RNLS: variants seen among roughly 807,000 people sequenced by gnomAD.
RNLS encodes renalase.
Under a neutral mutation model 39.8 loss-of-function variants are expected in RNLS, and 39 were observed. The ratio of observed to expected loss-of-function variants is 0.98; its 90% CI spans 0.76 to 1.28. The LOEUF (loss-of-function observed/expected upper bound fraction) is 1.28, where lower values mean the gene tolerates loss of function less well. Among genes scored for constraint, RNLS ranks in the 50% most tolerant of loss-of-function variants. The pLI, the probability that RNLS is intolerant of heterozygous loss-of-function variation, is 0.00. For missense variants in RNLS, 410 were observed against 413.3 expected, an observed-to-expected ratio of 0.99 and a Z score of 0.07; for synonymous variants, 147 against 150.7, an observed-to-expected ratio of 0.98 and a Z score of 0.18.
chr10:88,554,241 T>G (rs139546464), intron 4 of RNLS, among the ~76,000 whole-genome samples: 5 of 152,046 alleles, frequency 3.3e-5, no homozygotes, highest in African/African-American at 4.8e-5. Flanking sequence ...ATTTTAACAT[T>G]TGTTGTATAA....
At chr10:88,458,806 A>G (rs1284825595) in intron 4 of RNLS, among the ~76,000 whole-genome samples, 1 of 152,210 alleles carries the variant, frequency 6.6e-6, no homozygotes, top group Non-Finnish European at 1.5e-5. Context: ...ATGTTCCTCA[A>G]TTCTAGTTTT....
At chr10:88,212,224 C>T in the RNLS span, among the ~76,000 whole-genome samples, 4 of 152,128 alleles carry the variant, frequency 2.6e-5, no homozygotes, top group Non-Finnish European at 4.4e-5. Flanking sequence ...TTCTTGTTTC[C>T]ATAGCATCTT....
In RNLS at chr10:88,504,827, TAGAG is replaced by T. The variant is rs542424482; in HGVS notation, c.526+68072_526+68075del. On this transcript the variant is annotated intron_variant, in intron 4 of 6. Coordinates refer to ENST00000331772, the MANE Select transcript of RNLS (RefSeq NM_001031709.3). ...CTATTTTGTATGTATTGGAGCAAAT[TAGAG>T]AGAGAGAGACAGAGTGTGTGTGTGT... 4.5e-3 allele frequency among the ~76,000 whole-genome samples: 621 copies of T among 138,558 alleles called. 3 individuals are homozygous for T. Among genetic ancestry groups the T allele is most frequent in the African/African-American group, 0.015 (563 of 36,646 alleles). 90.9% of individuals were successfully genotyped at this position (138,558 alleles called of 152,430 possible). A position where few individuals can be genotyped will look rare whatever the true frequency, so the allele number is the denominator to read the frequency against.
chr10:88,279,167 A>C (rs1421229194), downstream of RNLS, among the ~76,000 whole-genome samples: 1 of 152,192 alleles, frequency 6.6e-6, no homozygotes, highest in Non-Finnish European at 1.5e-5. Flanking sequence ...GTCAGTAAGA[A>C]TTTTTGAAGA....
the RNLS span, among the ~76,000 whole-genome samples, chr10:88,231,639 T>G: frequency 1.3e-5 from 2 of 152,134 alleles, no homozygotes; most frequent in Non-Finnish European, 2.9e-5. Flanking sequence ...AAGGTGACCT[T>G]TGGGGACAGA....
chr10:88,219,082 A>T, the RNLS span, among the ~76,000 whole-genome samples: 1 of 152,206 alleles, frequency 6.6e-6, no homozygotes, highest in Non-Finnish European at 1.5e-5. Flanking sequence ...ACATATTTGT[A>T]TACACTTATG....
rs530766470 is a variant in RNLS at position 88,275,570 on chromosome 10, G to A, written c.877-538C>T. ...TATTCATAAAATGGAAGAGTGTACA[G>A]TAGTAAAAATCAACGAAATATATCT... On this transcript the variant is annotated intron_variant, in intron 6 of 6. Transcript: ENST00000371947. Among the ~76,000 whole-genome samples the A allele has an allele frequency of 1.4e-4, 21 of 152,238 alleles. No homozygotes were observed. In the South Asian group the frequency reaches 3.9e-3, roughly 29 times the overall value.
chr10:88,264,842 G>A, the RNLS span, among the ~76,000 whole-genome samples: 114,295 of 152,140 alleles, frequency 0.75, 42,924 homozygotes, highest in East Asian at 0.79. Flanking sequence ...CAGTTTAATT[G>A]AGTTCCATCT....
chr10:88,487,002 T>A (rs1844564845), intron 4 of RNLS, among the ~76,000 whole-genome samples: 1 of 152,120 alleles, frequency 6.6e-6, no homozygotes, highest in Non-Finnish European at 1.5e-5. Flanking sequence ...GTGGTACATA[T>A]ACACAATGGA....
chr10:88,215,231 G>A, the RNLS span, among the ~76,000 whole-genome samples: 1 of 151,738 alleles, frequency 6.6e-6, no homozygotes, highest in Admixed American at 6.6e-5. Flanking sequence ...CTATTATTGA[G>A]TGCTTACTAT....
chr10:88,278,088 C>T (rs1842877372), intron 6 of RNLS, among the ~76,000 whole-genome samples: 1 of 152,158 alleles, frequency 6.6e-6, no homozygotes, highest in Non-Finnish European at 1.5e-5. Flanking sequence ...TGATTTTAGG[C>T]ACATAATGAA....
chr10:88,499,881 T>C (rs1434371903), intron 4 of RNLS, among the ~76,000 whole-genome samples: 1 of 152,182 alleles, frequency 6.6e-6, no homozygotes, highest in Non-Finnish European at 1.5e-5. Context: ...AAGAAGGGTA[T>C]ACTTGCAGTC....
intron 4 of RNLS, among the ~76,000 whole-genome samples, chr10:88,449,619 T>C (rs151311292): frequency 3.4e-4 from 52 of 152,296 alleles, no homozygotes; most frequent in African/African-American, 1.1e-3. Flanking sequence ...TAAATATTTG[T>C]CTAACAAATC....
At chr10:88,409,288 A>G (rs899336209) in intron 4 of RNLS, among the ~76,000 whole-genome samples, 1 of 150,974 alleles carries the variant, frequency 6.6e-6, no homozygotes, top group African/African-American at 2.5e-5. Context: ...CAAAATTGAG[A>G]AAAGAACATG....
the RNLS span, chr10:88,259,359 C>T: frequency 6.6e-6 from 1 of 152,178 alleles, no homozygotes; most frequent in Admixed American, 6.5e-5. Flanking sequence ...ATGGGTACTT[C>T]AAACAAAAAG....
At chr10:88,322,797 G>A (rs1194212784) in intron 5 of RNLS, among the ~76,000 whole-genome samples, 1 of 152,106 alleles carries the variant, frequency 6.6e-6, no homozygotes, top group Non-Finnish European at 1.5e-5. Context: ...AATTAGGTGT[G>A]AAGAAGATAT....
At chr10:88,421,289 A>T (rs1854394294) in intron 4 of RNLS, among the ~76,000 whole-genome samples, 1 of 152,164 alleles carries the variant, frequency 6.6e-6, no homozygotes, top group South Asian at 2.1e-4. Flanking sequence ...TTCTGTGTAA[A>T]GCCCTACTCA....
intron 4 of RNLS, among the ~76,000 whole-genome samples, chr10:88,401,716 C>T (rs1445806515): frequency 1.3e-5 from 2 of 151,994 alleles, no homozygotes; most frequent in Admixed American, 6.6e-5. Flanking sequence ...GATGTACTTA[C>T]ATTCTACAAA....
intron 4 of RNLS, among the ~76,000 whole-genome samples, chr10:88,449,660 G>A (rs931854971): frequency 2.6e-5 from 4 of 152,110 alleles, no homozygotes; most frequent in African/African-American, 7.2e-5. Flanking sequence ...TATAAAAGAC[G>A]TCTCTGACTT....
Sources: allele counts gnomAD v4.1 joint callset (sites outside exome capture counted in the v4.1 genomes callset), GRCh38; gene constraint gnomAD v4.1.1; transcripts MANE v1.5; gene names NCBI Gene and HGNC (gene_info 2026-07-23, HGNC 2026-07-21).